Variants in PCDH18 observed in about 807,000 individuals in gnomAD.
PCDH18 encodes the protein protocadherin 18.
In PCDH18, 38 loss-of-function variants were observed where a neutral mutation model predicts 71.5. The ratio of observed to expected loss-of-function variants is 0.53; its 90% CI spans 0.41 to 0.70. The LOEUF is 0.70. Ranked by LOEUF, PCDH18 falls within the 30% of genes least tolerant of loss-of-function variation. The probability of loss-of-function intolerance (pLI) is 0.00; values close to 1 mark genes in which losing one functional copy is unlikely to be tolerated. For synonymous variants in PCDH18, 565 were observed against 505.4 expected (o/e 1.12, Z -1.58); for missense variants, 1,334 against 1,384.6 (o/e 0.96, Z 0.58).
At chr4:137,525,189 G>A (rs1248653221) in intron 3 of PCDH18, among the ~76,000 whole-genome samples, 1 of 152,102 alleles carries the variant, frequency 6.6e-6, no homozygotes, top group African/African-American at 2.4e-5. Context: ...GAGTAAGAAA[G>A]TATGTTGGCA....
chr4:137,525,159 G>C (rs1205477207), intron 3 of PCDH18, among the ~76,000 whole-genome samples: 1 of 152,094 alleles, frequency 6.6e-6, no homozygotes, highest in Admixed American at 6.6e-5. Flanking sequence ...TATGCTTAGT[G>C]TTATAGTTCA....
Position 137,529,862 on chromosome 4 carries a change from A to G in PCDH18, c.2227T>C (p.Tyr743His). 6.2e-7 allele frequency: 1 copy of G among 1,613,536 alleles called. No individual in the cohort carries two copies. The highest frequency in any genetic ancestry group is 2.2e-5 in the East Asian group (1 of 44,840). Residue 743 changes from tyrosine to histidine, a missense_variant, in exon 1 of 4, where the codon TAC (tyrosine) becomes CAC (histidine). This residue lies in a region of PCDH18 where 1,011 missense variants were observed against 1,048.0 expected (regional missense o/e 0.96). Transcript: ENST00000344876. Reference protein sequence around the residue: ...SYNCRVAESTYQHHPKRPSRQ... With the variant: ...SYNCRVAESTHQHHPKRPSRQ... ...GATGGCCTTTTTGGGTGGTGCTGGT[A>G]AGTTGATTCGGCCACCCTGCAGTTA... is the stretch of plus-strand genomic sequence containing the variant.
chr4:137,519,531 A>C lies in PCDH18; in HGVS notation c.*1498T>G, dbSNP rs768817126. ...TACTTTCATTCCCATTACAAGTCTC[A>C]AACTCATTCCTTTTCCATTGTGTTT... On this transcript the variant is annotated 3_prime_UTR_variant, in exon 4 of 4. Transcript: ENST00000344876. 3 of 152,224 alleles carry C rather than the reference A, an allele frequency of 2.0e-5. No homozygotes were observed. The highest frequency in any genetic ancestry group is 4.4e-5 in the Non-Finnish European group (3 of 68,012). The allele number at this position is 152,224 out of a possible 1,614,324, so 9.4% of individuals were successfully genotyped here.
At chr4:137,526,099 C>T (rs2149213620) in intron 3 of PCDH18, among the ~76,000 whole-genome samples, 1 of 151,472 alleles carries the variant, frequency 6.6e-6, no homozygotes, top group Middle Eastern at 3.4e-3. Context: ...TTGCCACAAA[C>T]TTACGTGGAG....
In PCDH18 at chr4:137,530,565, A is replaced by G; in HGVS notation, c.1524T>C (p.Phe508=). ...ATGTAGTTATGGAACTTCCTAGAAT[A>G]AAACTCTCCAAGATGGTGTATGTCA... ...GQVTYTILES[F]ILGSSITTYV... Residue 508 remains phenylalanine (F), a synonymous_variant, in exon 1 of 4, where the codon TTT becomes TTC. Transcript: ENST00000344876. 6.2e-7 allele frequency: 1 copy of G among 1,614,122 alleles called. No individual in the cohort carries two copies. Among genetic ancestry groups the G allele is most frequent in the African/African-American group, 1.3e-5 (1 of 75,052 alleles).
rs199912674 is a variant in PCDH18 at position 137,530,626 on chromosome 4, G to A, written c.1463C>T (p.Thr488Ile). The change falls in exon 1 of 4, where the codon ACA (threonine) becomes ATA (isoleucine). Residue 488 changes from threonine (T) to isoleucine (I), a missense_variant. This residue lies in a region of PCDH18 where 1,011 missense variants were observed against 1,048.0 expected (regional missense o/e 0.96). Transcript: ENST00000344876. The stretch of plus-strand genomic sequence containing the variant: ...TTCTCCAAGATCAGGATCTGTGGCT[G>A]TAACAGTGGTGATATATGCCCCTGG... ...NSPGAYITTV[T>I]ATDPDLGENG... The A allele has an allele frequency of 6.2e-7, 1 of 1,614,100 alleles. No homozygotes were observed. The highest frequency in any genetic ancestry group is 2.2e-5 in the East Asian group (1 of 44,868).
Position 137,529,911 on chromosome 4 carries a change from G to A in PCDH18, c.2178C>T (p.Arg726=), listed in dbSNP as rs72720200. ...TATAGGATCTAGTGTCTTTCTTCTC[G>A]CGGTTACACCTAGTTGCAAATAGCA... The part of the protein sequence containing the change: ...IMVLFATRCN[R]EKKDTRSYNC... Residue 726 remains arginine (R), a synonymous_variant, in exon 1 of 4, where the codon CGC becomes CGT. Coordinates refer to ENST00000344876, the MANE Select transcript of PCDH18 (RefSeq NM_019035.5). 2,539 of 1,613,820 alleles carry A rather than the reference G, an allele frequency of 1.6e-3. 2 individuals are homozygous for A. Among genetic ancestry groups the A allele is most frequent in the Non-Finnish European group, 2.0e-3 (2,388 of 1,179,908 alleles).
At chr4:137,525,588 T>C (rs1434206043) in intron 3 of PCDH18, among the ~76,000 whole-genome samples, 2 of 152,128 alleles carry the variant, frequency 1.3e-5, no homozygotes, top group Non-Finnish European at 2.9e-5. Context: ...AAATAAGGGA[T>C]AGTTATCTTT....
In PCDH18 at chr4:137,529,713, G is replaced by C. The variant is rs1731595667; in HGVS notation, c.2376C>G (p.Ser792Arg). 1.2e-6 allele frequency: 2 copies of C among 1,613,840 alleles called. No individual in the cohort carries two copies. Among genetic ancestry groups the C allele is most frequent in the African/African-American group, 2.7e-5 (2 of 75,030 alleles). The change falls in exon 1 of 4, where the codon AGC (serine) becomes AGG (arginine). Residue 792 changes from serine (S) to arginine (R), a missense_variant. By Grantham distance (110) the Ser-to-Arg change is moderately radical. Coordinates refer to ENST00000344876, the MANE Select transcript of PCDH18 (RefSeq NM_019035.5). ...ACTGGTGACTGTTGTGACTCTGCCG[G>C]CTGCCCATCTGCCCTCTTTCTAAGG... ...SPTLERGQMG[S>R]RQSHNSHQSL...
At position 137,521,244 on chromosome 4, in the gene PCDH18, G is replaced by C. The variant is rs868367262; in HGVS notation, c.3193C>G (p.Pro1065Ala). Residue 1065 changes from proline (P) to alanine (A), a missense_variant, in exon 4 of 4, where the codon CCC becomes GCC. Physicochemically the swap from Pro to Ala is conservative, Grantham distance 27 (BLOSUM62 -1). Around this residue, in one of 3 missense-constraint regions of PCDH18, gnomAD observed 319 missense variants for 316.3 expected, o/e 1.01. Coordinates refer to ENST00000344876, the MANE Select transcript of PCDH18 (RefSeq NM_019035.5). ...AGTGGCGGCCCACAGTTGGTGGTGG[G>C]ATTTTGAAAATGCGTACTGGCTGCC... ...AWAASTHFQN[P>A]TTNCGPPLGT... 1 of 1,613,892 alleles carries C rather than the reference G, an allele frequency of 6.2e-7. No homozygotes were observed. Among genetic ancestry groups the C allele is most frequent in the Non-Finnish European group, 8.5e-7 (1 of 1,179,908 alleles).
intron 3 of PCDH18, 137 bp downstream of exon 3, chr4:137,528,341 A>G: frequency 1.5e-6 from 1 of 680,154 alleles, no homozygotes; most frequent in Non-Finnish European, 2.5e-6. Context: ...ACAGTGATGA[A>G]CATACTATAA....
At chr4:137,524,634 A>G (rs535119652) in intron 3 of PCDH18, among the ~76,000 whole-genome samples, 2 of 152,298 alleles carry the variant, frequency 1.3e-5, no homozygotes, top group African/African-American at 4.8e-5. Flanking sequence ...GCAAAGCATC[A>G]GTGTATTAAG....
At position 137,531,612 on chromosome 4, in the gene PCDH18, G is replaced by C; in HGVS notation, c.477C>G (p.Asp159Glu). The C allele has an allele frequency of 1.2e-6, 2 of 1,613,840 alleles. No individual in the cohort carries two copies. The highest frequency in any genetic ancestry group is 2.2e-5 in the South Asian group (2 of 91,072). The change falls in exon 1 of 4, where the codon GAC (aspartate) becomes GAG (glutamate). Residue 159 changes from aspartate (D) to glutamate (E), a missense_variant. This residue lies in a region of PCDH18 where 1,011 missense variants were observed against 1,048.0 expected (regional missense o/e 0.96). Transcript: ENST00000344876. The stretch of plus-strand genomic sequence containing the variant: ...CCCCAACATCTGGATCAAATGCACT[G>C]TCCAGGGGAATGCGAGTCCCAACTG... ...SAAVGTRIPL[D>E]SAFDPDVGEN...
In PCDH18 at chr4:137,528,636, G is replaced by T; in HGVS notation, c.2582C>A (p.Ala861Asp). 6.2e-7 allele frequency: 1 copy of T among 1,613,612 alleles called. No individual in the cohort carries two copies. The highest frequency in any genetic ancestry group is 8.5e-7 in the Non-Finnish European group (1 of 1,179,688). Residue 861 changes from alanine (A) to aspartate (D), a missense_variant, in exon 3 of 4, where the codon GCC (alanine) becomes GAC (aspartate). Transcript: ENST00000344876. ...GNKYSRSYRY[A>D]LQDMDKFSLK... ...GCTAAATTTGTCCATGTCTTGAAGG[G>T]CATATCTGGAAAGATAAATCACAAA...
chr4:137,520,832 ATT>A lies in PCDH18; in HGVS notation c.*195_*196del, dbSNP rs1022384531. The stretch of plus-strand genomic sequence containing the variant: ...ACACATAAATATAAGGTACAAATGT[ATT>A]TTTAAAATACAGATTAAAATAATCA... On this transcript the variant is annotated 3_prime_UTR_variant, in exon 4 of 4. Transcript: ENST00000344876. 15 of 479,510 alleles carry A rather than the reference ATT, an allele frequency of 3.1e-5. No individual in the cohort carries two copies. The highest frequency in any genetic ancestry group is 3.0e-4 in the African/African-American group (15 of 50,826). 29.7% of individuals were successfully genotyped at this position (479,510 alleles called of 1,614,324 possible). A position where few individuals can be genotyped will look rare whatever the true frequency, so the allele number is the denominator to read the frequency against.
At chr4:137,526,275 T>C (rs1247541129) in intron 3 of PCDH18, among the ~76,000 whole-genome samples, 2 of 152,054 alleles carry the variant, frequency 1.3e-5, no homozygotes, top group African/African-American at 4.8e-5. Flanking sequence ...CAGTTAAGTA[T>C]GCTGATAAAT....
At chr4:137,525,887 A>G (rs905830236) in intron 3 of PCDH18, among the ~76,000 whole-genome samples, 5 of 152,118 alleles carry the variant, frequency 3.3e-5, no homozygotes, top group Non-Finnish European at 7.4e-5. Flanking sequence ...GGAATTATTA[A>G]TGATGATATA....
chr4:137,521,323 C>G lies in PCDH18; in HGVS notation c.3114G>C (p.Arg1038Ser). Residue 1038 changes from arginine (R) to serine (S), a missense_variant, in exon 4 of 4, where the codon AGG becomes AGC. Physicochemically the swap from Arg to Ser is moderately radical, Grantham distance 110. Transcript: ENST00000344876. ...EVDRSNSLER[R>S]KGPLPAKTVG... The stretch of plus-strand genomic sequence containing the variant: ...CAGTTTTGGCTGGCAAGGGTCCCTT[C>G]CTGCGCTCCAGGGAGTTGGACCGAT... The G allele has an allele frequency of 1.2e-6, 2 of 1,614,140 alleles. No individual in the cohort carries two copies. Among genetic ancestry groups the G allele is most frequent in the Non-Finnish European group, 1.7e-6 (2 of 1,180,018 alleles).
intron 3 of PCDH18, among the ~76,000 whole-genome samples, chr4:137,523,630 GT>G (rs565335971): frequency 2.3e-3 from 353 of 152,088 alleles, no homozygotes; most frequent in African/African-American, 7.5e-3. Context: ...ATTCACTTTA[GT>G]TTAATGCTTA....
Sources: gnomAD v4.1 joint callset for allele counts (sites outside exome capture counted in the v4.1 genomes callset) on GRCh38, gnomAD v4.1.1 for gene constraint, gnomAD v4.1.1 regional missense constraint, MANE v1.5 for transcripts, NCBI Gene and HGNC (gene_info 2026-07-23, HGNC 2026-07-21) for gene names.